CPAP: variants seen among roughly 807,000 people sequenced by gnomAD.
CPAP encodes centrosomal P4.1-associated protein.
chr13:24,894,250 G>A, the CPAP span, among the ~76,000 whole-genome samples: 3 of 152,234 alleles, frequency 2.0e-5, no homozygotes, highest in Non-Finnish European at 2.9e-5. Flanking sequence ...GTCACGTGGA[G>A]CGACGCCACA....
the CPAP span, among the ~76,000 whole-genome samples, chr13:24,928,040 G>A: frequency 1.4e-4 from 21 of 152,318 alleles, no homozygotes; most frequent in Admixed American, 4.6e-4. Flanking sequence ...CCTGAAGGGG[G>A]AACAATAATG....
At chr13:24,883,357 TTTGTTGC>T in the CPAP span, 1 of 1,606,798 alleles carries the variant, frequency 6.2e-7, no homozygotes, top group Non-Finnish European at 8.5e-7. Context: ...ACTCTATGAG[TTTGTTGC>T]CATCACTGTA....
At chr13:24,932,977 G>T in the CPAP span, 5 of 1,495,786 alleles carry the variant, frequency 3.3e-6, no homozygotes, top group Non-Finnish European at 9.3e-7. Flanking sequence ...TTAAGAGAGG[G>T]TCCTTAAAAA....
At chr13:24,891,717 GC>G in the CPAP span, among the ~76,000 whole-genome samples, 1 of 151,996 alleles carries the variant, frequency 6.6e-6, no homozygotes, top group Admixed American at 6.6e-5. Flanking sequence ...AAAATAAGAG[GC>G]CCGGCCACCC....
At chr13:24,926,731 C>A in the CPAP span, among the ~76,000 whole-genome samples, 1 of 152,120 alleles carries the variant, frequency 6.6e-6, no homozygotes, top group Admixed American at 6.5e-5. Context: ...AGGCAAGTGG[C>A]ATTAGAAGGG....
the CPAP span, among the ~76,000 whole-genome samples, chr13:24,910,286 C>A: frequency 6.6e-6 from 1 of 152,200 alleles, no homozygotes; most frequent in African/African-American, 2.4e-5. Context: ...TGCAGTGGTG[C>A]GATCTCAGCT....
At chr13:24,883,326 G>C in the CPAP span, 2 of 1,613,668 alleles carry the variant, frequency 1.2e-6, no homozygotes, top group Admixed American at 1.7e-5. Flanking sequence ...GCAGTATGTA[G>C]TTCTCTTTGG....
At chr13:24,897,555 G>A in the CPAP span, among the ~76,000 whole-genome samples, 1 of 152,048 alleles carries the variant, frequency 6.6e-6, no homozygotes, top group East Asian at 1.9e-4. Context: ...AACAGAAAAA[G>A]AACAGAAATA....
chr13:24,920,288 T>TC, the CPAP span, among the ~76,000 whole-genome samples: 1 of 152,346 alleles, frequency 6.6e-6, no homozygotes, highest in Non-Finnish European at 1.5e-5. Flanking sequence ...ACAAATGCTA[T>TC]CAACTGCCAG....
chr13:24,903,539 C>G, the CPAP span, among the ~76,000 whole-genome samples: 6 of 152,148 alleles, frequency 3.9e-5, no homozygotes, highest in Admixed American at 1.3e-4. Context: ...TTGCTGATGC[C>G]CGGACTTTGG....
chr13:24,903,793 T>A, the CPAP span: 3 of 1,032,688 alleles, frequency 2.9e-6, no homozygotes, highest in South Asian at 3.9e-5. Context: ...AAAACTTATA[T>A]GATACAGATT....
chr13:24,899,374 C>A, the CPAP span: 1 of 1,473,088 alleles, frequency 6.8e-7, no homozygotes, highest in South Asian at 1.2e-5. Flanking sequence ...ACAAGATTGT[C>A]ACCTTTACTA....
At chr13:24,908,477 G>A in the CPAP span, among the ~76,000 whole-genome samples, 2 of 148,986 alleles carry the variant, frequency 1.3e-5, no homozygotes, top group Non-Finnish European at 3.0e-5. Context: ...AGCCAGGCGT[G>A]GTGGCACATG....
At chr13:24,907,953 T>C in the CPAP span, 1 of 1,155,354 alleles carries the variant, frequency 8.7e-7, no homozygotes, top group Non-Finnish European at 1.3e-6. Context: ...AAAGAAAGTG[T>C]TCAATAATAA....
At chr13:24,885,662 G>A in the CPAP span, 1 of 1,611,608 alleles carries the variant, frequency 6.2e-7, no homozygotes. Flanking sequence ...GATCTTCGAG[G>A]TGGATTGCCT....
At chr13:24,925,675 T>G in the CPAP span, among the ~76,000 whole-genome samples, 1 of 151,824 alleles carries the variant, frequency 6.6e-6, no homozygotes, top group Non-Finnish European at 1.5e-5. Context: ...TCAGTCAGAG[T>G]GGTGGGAGAA....
the CPAP span, chr13:24,885,570 T>C: frequency 1.2e-5 from 18 of 1,445,006 alleles, no homozygotes; most frequent in East Asian, 3.0e-4. Context: ...GCCTAAGTAA[T>C]GTATGTTTGA....
the CPAP span, chr13:24,882,541 G>A: frequency 1.3e-5 from 2 of 152,634 alleles, no homozygotes; most frequent in African/African-American, 2.4e-5. Flanking sequence ...GCTAGTCATC[G>A]TTCATGCCCC....
the CPAP span, chr13:24,889,370 TCTGA>T: frequency 1.2e-6 from 2 of 1,611,884 alleles, no homozygotes; most frequent in Non-Finnish European, 1.7e-6. Flanking sequence ...CCTGAAGAAA[TCTGA>T]CTGTTTTGAA....
Sources: allele counts gnomAD v4.1 joint callset (sites outside exome capture counted in the v4.1 genomes callset), GRCh38; gene constraint gnomAD v4.1.1; transcripts MANE v1.5; gene names NCBI Gene and HGNC (gene_info 2026-07-23, HGNC 2026-07-21).